The following BCAS3 variants were observed in gnomAD, a reference collection of about 807,000 sequenced individuals.
The protein encoded by BCAS3 is BCAS4/BCAS3 fusion.
A neutral mutation model predicts 116.1 loss-of-function variants in BCAS3; 53 were observed. The observed-to-expected ratio is 0.46, with a 90% CI of 0.37 to 0.57. The LOEUF (loss-of-function observed/expected upper bound fraction) is 0.57. Ranked by LOEUF, BCAS3 falls within the 20% of genes least tolerant of loss-of-function variation. The probability of loss-of-function intolerance (pLI) is 0.00; values close to 1 mark genes in which losing one functional copy is unlikely to be tolerated. For synonymous variants in BCAS3, 391 were observed against 408.2 expected (o/e 0.96, Z 0.51); for missense variants, 917 against 1,165.4 (o/e 0.79, Z 3.10).
At chr17:60,842,648 C>T (rs935755573) in intron 7 of BCAS3, among the ~76,000 whole-genome samples, 2 of 152,078 alleles carry the variant, frequency 1.3e-5, no homozygotes, top group South Asian at 4.1e-4. Context: ...TTTATATTCT[C>T]ATCTAAGTAA....
intron 7 of BCAS3, among the ~76,000 whole-genome samples, chr17:60,843,766 T>C (rs2052212795): frequency 6.6e-6 from 1 of 152,228 alleles, no homozygotes; most frequent in African/African-American, 2.4e-5. Flanking sequence ...TATCCTTTTA[T>C]CATCTGCACT....
At chr17:60,861,380 A>G (rs1450452330) in intron 7 of BCAS3, among the ~76,000 whole-genome samples, 2 of 152,208 alleles carry the variant, frequency 1.3e-5, no homozygotes, top group African/African-American at 4.8e-5. Flanking sequence ...AACAAATCCA[A>G]GAGCCTTTGG....
intron 12 of BCAS3, among the ~76,000 whole-genome samples, chr17:60,917,814 A>G (rs1274884443): frequency 6.6e-6 from 1 of 152,100 alleles, no homozygotes; most frequent in African/African-American, 2.4e-5. Context: ...GCTGGTCTCA[A>G]ACTCCTGACC....
In BCAS3 at chr17:61,196,736, G is replaced by C. The variant is rs1018808304; in HGVS notation, c.2425+112172G>C. 6.6e-6 allele frequency among the ~76,000 whole-genome samples: 1 copy of C among 152,198 alleles called. No individual in the cohort carries two copies. The highest frequency in any genetic ancestry group is 2.4e-5 in the African/African-American group (1 of 41,438). On this transcript the variant is annotated intron_variant, in intron 22 of 23. Coordinates refer to ENST00000407086, the MANE Select transcript of BCAS3 (RefSeq NM_017679.5). The surrounding 1 kb of genome is among the most constrained non-coding windows in gnomAD (Gnocchi z 4.7). Reference sequence around the variant, plus strand: ...TAAGTGAAGACTTTCTGAGACGGAAGGCTTGCATTTATCGGCATTCATGCT... The same window carrying C: ...TAAGTGAAGACTTTCTGAGACGGAACGCTTGCATTTATCGGCATTCATGCT...
At chr17:61,284,272 G>A (rs1020586181) in intron 22 of BCAS3, among the ~76,000 whole-genome samples, 2 of 152,136 alleles carry the variant, frequency 1.3e-5, no homozygotes, top group African/African-American at 4.8e-5. Context: ...TCCCTTCTAT[G>A]TCAGGAAGGT....
chr17:60,865,791 A>G (rs1311940314), intron 7 of BCAS3, among the ~76,000 whole-genome samples: 1 of 152,150 alleles, frequency 6.6e-6, no homozygotes, highest in Non-Finnish European at 1.5e-5. Flanking sequence ...CTTCTTATAC[A>G]ATGTTGAGTA....
chr17:60,767,220 C>T (rs1223912364), intron 6 of BCAS3, among the ~76,000 whole-genome samples: 3 of 152,138 alleles, frequency 2.0e-5, no homozygotes, highest in African/African-American at 7.2e-5. Context: ...TGACCAGTCC[C>T]AACCAGATGA....
rs2047740887 is a variant in BCAS3, at chr17:61,244,105, T to C, written c.2426-124222T>C. Among the ~76,000 whole-genome samples, 1 of 152,204 alleles carries C rather than the reference T, an allele frequency of 6.6e-6. No homozygotes were observed. Among genetic ancestry groups the C allele is most frequent in the African/African-American group, 2.4e-5 (1 of 41,442 alleles). On this transcript the variant is annotated intron_variant, in intron 22 of 23. Coordinates refer to ENST00000407086, the MANE Select transcript of BCAS3 (RefSeq NM_017679.5). The surrounding 1 kb of genome is among the most constrained non-coding windows in gnomAD (Gnocchi z 4.9). ...CTTCAAGTTTTAAAAGAATAATATGTCAAATTAAAGCATTTTTAAACCTCT... is the reference window on the plus strand; with the variant it reads ...CTTCAAGTTTTAAAAGAATAATATGCCAAATTAAAGCATTTTTAAACCTCT...
chr17:60,916,448 C>T (rs534569053), intron 12 of BCAS3, among the ~76,000 whole-genome samples: 4 of 152,156 alleles, frequency 2.6e-5, no homozygotes, highest in South Asian at 2.1e-4. Flanking sequence ...ACCTATCACT[C>T]GCAGATCAAC....
In BCAS3 at chr17:61,217,214, C is replaced by T. The variant is rs1348072828; in HGVS notation, c.2425+132650C>T. 6.6e-6 allele frequency among the ~76,000 whole-genome samples: 1 copy of T among 152,038 alleles called. No homozygotes were observed. Among genetic ancestry groups the T allele is most frequent in the Non-Finnish European group, 1.5e-5 (1 of 68,010 alleles). On this transcript the variant is annotated intron_variant, in intron 22 of 23. Transcript: ENST00000407086. This position sits in a 1 kb window ranked among gnomAD's most constrained non-coding sequence, Gnocchi z 5.2. ...AGGAGAATCGCTTGAACCCAGGAGG[C>T]GGAGGTTGCAGTGAGCTGAGATCGT...
At chr17:61,264,939 G>A (rs1464286134) in intron 22 of BCAS3, among the ~76,000 whole-genome samples, 2 of 152,202 alleles carry the variant, frequency 1.3e-5, no homozygotes, top group East Asian at 1.9e-4. Context: ...AGGGATATTA[G>A]AAGTATGATA....
At chr17:61,194,426 G>C (rs1211018353) in intron 22 of BCAS3, among the ~76,000 whole-genome samples, 1 of 152,050 alleles carries the variant, frequency 6.6e-6, no homozygotes, top group Non-Finnish European at 1.5e-5. Flanking sequence ...TAGCCCTCAA[G>C]CTTGTGAGGA....
rs2055752371 is a variant in BCAS3, at chr17:61,326,629, A to G, written c.2426-41698A>G. On this transcript the variant is annotated intron_variant, in intron 22 of 23. Coordinates refer to ENST00000407086, the MANE Select transcript of BCAS3 (RefSeq NM_017679.5). The surrounding 1 kb of genome is among the most constrained non-coding windows in gnomAD (Gnocchi z 5.3). ...TTACGGAGTGGACATGGGTGGGTGG[A>G]GAGGAAGAGATGTTAAGGATGCTCC... Among the ~76,000 whole-genome samples, 1 of 152,180 alleles carries G rather than the reference A, an allele frequency of 6.6e-6. No individual in the cohort carries two copies. The highest frequency in any genetic ancestry group is 1.5e-5 in the Non-Finnish European group (1 of 68,032).
At chr17:60,936,538 A>G (rs890157571) in intron 13 of BCAS3, among the ~76,000 whole-genome samples, 1 of 152,114 alleles carries the variant, frequency 6.6e-6, no homozygotes, top group Non-Finnish European at 1.5e-5. Flanking sequence ...CTGACTTTTT[A>G]GTGATCGTCA....
intron 17 of BCAS3, among the ~76,000 whole-genome samples, chr17:61,036,923 A>G (rs565751595): frequency 6.6e-6 from 1 of 152,240 alleles, no homozygotes; most frequent in Admixed American, 6.5e-5. Flanking sequence ...TTATTTTCTA[A>G]AGGAGCTTTA....
At chr17:61,072,363 C>G (rs2071512754) in intron 19 of BCAS3, among the ~76,000 whole-genome samples, 1 of 152,258 alleles carries the variant, frequency 6.6e-6, no homozygotes, top group East Asian at 1.9e-4. Flanking sequence ...TTCATCCCTG[C>G]ACTGGGTTAT....
At position 60,960,824 on chromosome 17, in the gene BCAS3, A is replaced by T. The variant is rs938277497; in HGVS notation, c.1221+13472A>T. Among the ~76,000 whole-genome samples, 1 of 150,298 alleles carries T rather than the reference A, an allele frequency of 6.7e-6. No individual in the cohort carries two copies. The highest frequency in any genetic ancestry group is 1.5e-5 in the Non-Finnish European group (1 of 67,678). On this transcript the variant is annotated intron_variant, in intron 14 of 23. Transcript: ENST00000407086. The surrounding 1 kb of genome is among the most constrained non-coding windows in gnomAD (Gnocchi z 4.1). ...ATGCCTTTGTGCCTTTCAGTCCAAG[A>T]TGGCGGTGTTTCTGCAGATACTACA...
intron 13 of BCAS3, among the ~76,000 whole-genome samples, chr17:60,943,127 CATAAAAATTGAAT>C (rs1429193235): frequency 6.6e-6 from 1 of 151,952 alleles, no homozygotes. Context: ...ATTAGCATTT[CATAAAAATTGAAT>C]ATTCCAAATA....
chr17:61,321,714 A>G (rs2055229433), intron 22 of BCAS3, among the ~76,000 whole-genome samples: 1 of 152,262 alleles, frequency 6.6e-6, no homozygotes, highest in East Asian at 1.9e-4. Flanking sequence ...GCGAGCCAGC[A>G]AATCGTTCTA....
Sources: gnomAD v4.1 joint callset for allele counts (sites outside exome capture counted in the v4.1 genomes callset) on GRCh38, gnomAD v4.1.1 for gene constraint, Gnocchi (gnomAD v3.1) non-coding constraint, MANE v1.5 for transcripts, NCBI Gene and HGNC (gene_info 2026-07-23, HGNC 2026-07-21) for gene names.